UGT2B7: variants seen among roughly 807,000 people sequenced by gnomAD.
UGT2B7 encodes the protein UDP-glucuronosyltransferase 2B7.
Under a neutral mutation model 51.9 loss-of-function variants are expected in UGT2B7, and 51 were observed. The ratio of observed to expected loss-of-function variants is 0.98; its 90% confidence interval spans 0.78 to 1.24. The LOEUF is 1.24. UGT2B7 is among the 50% of genes most tolerant of loss of function. UGT2B7 has a pLI of 0.00. For missense variants in UGT2B7, 727 were observed against 628.4 expected, an observed-to-expected ratio of 1.16 and a Z score of -1.68; for synonymous variants, 225 against 211.6, an observed-to-expected ratio of 1.06 and a Z score of -0.55.
In UGT2B7 at chr4:69,106,769, G is replaced by A. The variant is rs558102129; in HGVS notation, c.1003-406G>A. On this transcript the variant is annotated intron_variant, in intron 3 of 5. Transcript: ENST00000305231. ...CCTCACCAGTATCATGATATTTTTT[G>A]AGTTTTTAATAATAGCCATTCTGAC... Among the ~76,000 whole-genome samples the A allele has an allele frequency of 3.3e-5, 5 of 151,822 alleles. No individual in the cohort carries two copies. In the South Asian group the frequency reaches 1.0e-3, roughly 32 times the overall value.
chr4:69,058,435 C>A (rs1247837992), intron 1 of UGT2B7, among the ~76,000 whole-genome samples: 2 of 152,308 alleles, frequency 1.3e-5, no homozygotes, highest in East Asian at 3.9e-4. Context: ...TTCTGGGAAA[C>A]AAGAGGACCC....
chr4:69,068,434 C>T (rs567259690), intron 1 of UGT2B7, among the ~76,000 whole-genome samples: 1 of 152,062 alleles, frequency 6.6e-6, no homozygotes, highest in African/African-American at 2.4e-5. Context: ...TGGAATATTT[C>T]TGTTTAATAA....
rs555209257 is a variant in UGT2B7 at position 69,072,309 on chromosome 4, T to C, written c.-158-17163T>C. 2.6e-5 allele frequency among the ~76,000 whole-genome samples: 4 copies of C among 152,292 alleles called. No homozygotes were observed. In the South Asian group the frequency reaches 8.3e-4, roughly 32 times the overall value. The stretch of plus-strand genomic sequence containing the variant: ...GTCACATGGAATCACTGAATTGAAA[T>C]AACATTCTTCATCCTCATGAAAATC... On this transcript the variant is annotated intron_variant, in intron 1 of 5. Transcript: ENST00000502942.
At chr4:69,082,919 G>A (rs143440345) in intron 1 of UGT2B7, among the ~76,000 whole-genome samples, 68 of 152,162 alleles carry the variant, frequency 4.5e-4, no homozygotes, top group East Asian at 1.9e-3. Context: ...TGACTCTTTC[G>A]TTAGTGGCTA....
intron 1 of UGT2B7, among the ~76,000 whole-genome samples, chr4:69,060,563 A>G (rs1718322770): frequency 1.3e-5 from 2 of 152,230 alleles, no homozygotes; most frequent in Admixed American, 6.5e-5. Flanking sequence ...TTATATGTCC[A>G]TGAGCAAAAG....
chr4:69,055,098 T>TAAAAAAAAA (rs1178892377), intron 1 of UGT2B7, among the ~76,000 whole-genome samples: 17 of 22,558 alleles, frequency 7.5e-4, no homozygotes, highest in African/African-American at 2.0e-3. Flanking sequence ...AAGTAATAGC[T>TAAAAAAAAA]AAAAAAAAAA....
At position 69,096,531 on chromosome 4, in the gene UGT2B7, A is replaced by C. The variant is rs1719231675; in HGVS notation, c.11A>C (p.Lys4Thr). 6.2e-7 allele frequency: 1 copy of C among 1,613,928 alleles called. No individual in the cohort carries two copies. Among genetic ancestry groups the C allele is most frequent in the Admixed American group, 1.7e-5 (1 of 60,002 alleles). The change falls in exon 1 of 6, where the codon AAA becomes ACA. Residue 4 changes from lysine (K) to threonine (T), a missense_variant. Physicochemically the swap from Lys to Thr is moderately conservative, Grantham distance 78. Coordinates refer to ENST00000305231, the MANE Select transcript of UGT2B7 (RefSeq NM_001074.4). The stretch of plus-strand genomic sequence containing the variant: ...TTGCATTGCACCAGGATGTCTGTGA[A>C]ATGGACTTCAGTAATTTTGCTAATA... MSV[K>T]WTSVILLIQL...
chr4:69,067,134 T>A (rs557475737), intron 1 of UGT2B7, among the ~76,000 whole-genome samples: 90 of 152,240 alleles, frequency 5.9e-4, no homozygotes, highest in African/African-American at 2.0e-3. Context: ...TTATCCACAG[T>A]GTTCTCTATT....
chr4:69,111,103 G>A lies in UGT2B7; in HGVS notation c.1311-1354G>A, dbSNP rs377112152. Among the ~76,000 whole-genome samples, 29 of 152,132 alleles carry A rather than the reference G, an allele frequency of 1.9e-4. 1 individual carries two copies. The highest frequency in any genetic ancestry group is 3.9e-4 in the African/African-American group (16 of 41,508). On this transcript the variant is annotated intron_variant, in intron 5 of 5. Transcript: ENST00000305231. Reference sequence around the variant, plus strand: ...TAGCAAGAGAGAGTACTCCAAGAGCGGGAGAGAGGGGAAAAAAATGTGTAA... The same window carrying A: ...TAGCAAGAGAGAGTACTCCAAGAGCAGGAGAGAGGGGAAAAAAATGTGTAA...
intron 1 of UGT2B7, among the ~76,000 whole-genome samples, chr4:69,057,668 G>A (rs527542667): frequency 6.6e-6 from 1 of 152,156 alleles, no homozygotes; most frequent in African/African-American, 2.4e-5. Context: ...AACCGGGTCC[G>A]ACTGGTCTAA....
At chr4:69,053,299 A>C (rs1043193600) in intron 1 of UGT2B7, among the ~76,000 whole-genome samples, 1 of 152,214 alleles carries the variant, frequency 6.6e-6, no homozygotes, top group Non-Finnish European at 1.5e-5. Context: ...TTGGTCTAAA[A>C]ACTAATACAA....
At chr4:69,067,997 C>A (rs990646764) in intron 1 of UGT2B7, among the ~76,000 whole-genome samples, 2 of 152,018 alleles carry the variant, frequency 1.3e-5, no homozygotes, top group Non-Finnish European at 2.9e-5. Flanking sequence ...AATGAGAACT[C>A]ATCAAATGTT....
intron 1 of UGT2B7, among the ~76,000 whole-genome samples, chr4:69,074,840 AT>A (rs1320546742): frequency 6.6e-6 from 1 of 152,110 alleles, no homozygotes; most frequent in Non-Finnish European, 1.5e-5. Context: ...ACTGGTGGAC[AT>A]TCTTCCTTCA....
intron 1 of UGT2B7, among the ~76,000 whole-genome samples, chr4:69,059,930 AT>A (rs1718305612): frequency 6.6e-6 from 1 of 152,158 alleles, no homozygotes; most frequent in African/African-American, 2.4e-5. Flanking sequence ...TAAAGGATAC[AT>A]TTTTCCGTCT....
chr4:69,080,573 A>C (rs1310320038), intron 1 of UGT2B7, among the ~76,000 whole-genome samples: 1 of 151,604 alleles, frequency 6.6e-6, no homozygotes, highest in Non-Finnish European at 1.5e-5. Context: ...AAAATCTATC[A>C]ATGACTATAC....
chr4:69,107,501 T>A (rs1719639086), intron 4 of UGT2B7, among the ~76,000 whole-genome samples: 1 of 152,164 alleles, frequency 6.6e-6, no homozygotes, highest in African/African-American at 2.4e-5. Context: ...TGTTATTATA[T>A]CTCACAAAAT....
At chr4:69,104,668 T>G (rs1719539803) in intron 3 of UGT2B7, among the ~76,000 whole-genome samples, 1 of 152,170 alleles carries the variant, frequency 6.6e-6, no homozygotes, top group Non-Finnish European at 1.5e-5. Flanking sequence ...GGTGAAGTTT[T>G]GGTATTGCCA....
At chr4:69,102,751 G>C in intron 2 of UGT2B7, 56 bp from the exon 3 acceptor site, 2 of 1,572,192 alleles carry the variant, frequency 1.3e-6, no homozygotes, top group Non-Finnish European at 1.7e-6. Context: ...CAATTCTTTT[G>C]GTAGTGCCCG....
intron 1 of UGT2B7, among the ~76,000 whole-genome samples, chr4:69,058,072 C>A (rs866331501): frequency 1.3e-5 from 2 of 152,136 alleles, no homozygotes; most frequent in South Asian, 4.1e-4. Context: ...GTGCTGGCAG[C>A]TACAAAGACA....
Sources: allele counts gnomAD v4.1 joint callset (sites outside exome capture counted in the v4.1 genomes callset), GRCh38; gene constraint gnomAD v4.1.1; transcripts MANE v1.5; gene names NCBI Gene and HGNC (gene_info 2026-07-23, HGNC 2026-07-21).